The following KCTD2 variants were observed in gnomAD, a reference collection of about 807,000 sequenced individuals.
The protein encoded by KCTD2 is BTB/POZ domain-containing protein KCTD2.
In KCTD2, 18 loss-of-function variants were observed where a neutral mutation model predicts 27.9. That is an observed-to-expected ratio of 0.64 (90% CI 0.45 to 0.96). The LOEUF (loss-of-function observed/expected upper bound fraction) is 0.96. Ranked by LOEUF, KCTD2 falls within the 40% of genes least tolerant of loss-of-function variation. The probability of loss-of-function intolerance (pLI) is 0.00; values close to 1 mark genes in which losing one functional copy is unlikely to be tolerated. For missense variants in KCTD2, 280 were observed against 348.0 expected (o/e 0.80, Z 1.56); for synonymous variants, 175 against 148.4 (o/e 1.18, Z -1.30).
intron 4 of KCTD2, among the ~76,000 whole-genome samples, chr17:75,060,016 A>T (rs1295990421): frequency 6.6e-6 from 1 of 152,004 alleles, no homozygotes; most frequent in East Asian, 1.9e-4. Flanking sequence ...CACCGTGAAG[A>T]GCTTGGTGAA....
At position 75,047,297 on chromosome 17, in the gene KCTD2, G is replaced by T; in HGVS notation, c.47G>T (p.Gly16Val). ...CCGGCGATGGCGGGGCTGGGAGGGG[G>T]CGGCGGGAGTGGGGTGGGCGACGGG... ...LDPAMAGLGG[G>V]GGSGVGDGGG... Residue 16 changes from glycine to valine, a missense_variant, in exon 1 of 6, where the codon GGC (glycine) becomes GTC (valine). Coordinates refer to ENST00000322444, the MANE Select transcript of KCTD2 (RefSeq NM_015353.3). 5 of 1,160,096 alleles carry T rather than the reference G, an allele frequency of 4.3e-6. No homozygotes were observed. The highest frequency in any genetic ancestry group is 5.3e-6 in the Non-Finnish European group (5 of 935,302). 71.9% of individuals were successfully genotyped at this position (1,160,096 alleles called of 1,614,324 possible).
At chr17:75,039,044 A>T (rs759264615) in intron 3 of KCTD2, 1 of 1,614,090 alleles carries the variant, frequency 6.2e-7, no homozygotes, top group Admixed American at 1.7e-5. Flanking sequence ...AAATGGAATT[A>T]AGTTCTTCAT....
intron 3 of KCTD2, 79 bp from the exon 4 acceptor site, chr17:75,059,431 C>G: frequency 1.2e-6 from 1 of 853,500 alleles, no homozygotes; most frequent in Non-Finnish European, 1.8e-6. Flanking sequence ...AGTGTTTATT[C>G]ATTTGAAGAG....
Position 75,049,339 on chromosome 17 carries a change from T to C in KCTD2, c.448+11T>C. The stretch of plus-strand genomic sequence containing the variant: ...AGTTGGCAGAAGAAGGTAAGCGCAC[T>C]GTTTGCATTGGGGATTTTCAAAATG... On this transcript the variant is annotated intron_variant, in intron 2 of 5. Coordinates refer to ENST00000322444, the MANE Select transcript of KCTD2 (RefSeq NM_015353.3). The C allele has an allele frequency of 6.9e-7, 1 of 1,454,104 alleles. No homozygotes were observed. Among genetic ancestry groups the C allele is most frequent in the Non-Finnish European group, 9.6e-7 (1 of 1,041,658 alleles). 90.1% of individuals were successfully genotyped at this position (1,454,104 alleles called of 1,614,324 possible).
At position 75,047,725 on chromosome 17, in the gene KCTD2, C is replaced by T. The variant is rs1245598177; in HGVS notation, c.339+136C>T. 7 of 793,738 alleles carry T rather than the reference C, an allele frequency of 8.8e-6. No individual in the cohort carries two copies. The African/African-American group carries it at 1.3e-4, about 14-fold the overall frequency. 49.2% of individuals were successfully genotyped at this position (793,738 alleles called of 1,614,324 possible). A position where few individuals can be genotyped will look rare whatever the true frequency, so the allele number is the denominator to read the frequency against. ...GACCCCATCCTCCCCCTCCCTCCCA[C>T]ACTACTCGCAGGGGCCTCAGAGGGA... is the stretch of plus-strand genomic sequence containing the variant. On this transcript the variant is annotated intron_variant, in intron 1 of 5. Coordinates refer to ENST00000322444, the MANE Select transcript of KCTD2 (RefSeq NM_015353.3).
At chr17:75,042,062 A>G (rs753309178) in intron 3 of KCTD2, 2 of 858,468 alleles carry the variant, frequency 2.3e-6, no homozygotes, top group South Asian at 1.8e-5. Context: ...GGCCATACGC[A>G]TCCTTCCTAA....
rs185937899 is a variant in KCTD2, at chr17:75,036,105, G to A, written c.-259+748G>A. 11 of 449,884 alleles carry A rather than the reference G, an allele frequency of 2.4e-5. 1 individual carries two copies. In the East Asian group the frequency reaches 4.9e-4, roughly 20 times the overall value. The allele number at this position is 449,884 out of a possible 1,614,324, so 27.9% of individuals were successfully genotyped here. A position where few individuals can be genotyped will look rare whatever the true frequency, so the allele number is the denominator to read the frequency against. On this transcript the variant is annotated intron_variant, in intron 3 of 7. Transcript: ENST00000581589. ...GTCTCGCTCTGTCACCCAGGGTGGA[G>A]TGCAGTAGCGTGATCTCGGCTCACT...
upstream of KCTD2, among the ~76,000 whole-genome samples, chr17:75,043,186 A>C (rs1169820146): frequency 6.6e-6 from 1 of 152,200 alleles, no homozygotes; most frequent in Admixed American, 6.5e-5. Flanking sequence ...GCATCAGTGC[A>C]CCCTAGCCTG....
intron 3 of KCTD2, among the ~76,000 whole-genome samples, chr17:75,036,443 T>C (rs1310877499): frequency 6.6e-6 from 1 of 152,168 alleles, no homozygotes; most frequent in Non-Finnish European, 1.5e-5. Context: ...TAATGTAAAA[T>C]TAATGCATGT....
chr17:75,047,915 G>A (rs778759356), intron 1 of KCTD2, among the ~76,000 whole-genome samples: 4 of 152,024 alleles, frequency 2.6e-5, no homozygotes, highest in Non-Finnish European at 5.9e-5. Flanking sequence ...ACTGAGATCT[G>A]CATGAGTTTT....
Position 75,049,205 on chromosome 17 carries a change from G to A in KCTD2, c.340-15G>A. The A allele has an allele frequency of 6.5e-7, 1 of 1,527,070 alleles. No homozygotes were observed. The highest frequency in any genetic ancestry group is 9.1e-7 in the Non-Finnish European group (1 of 1,102,540). 94.6% of individuals were successfully genotyped at this position (1,527,070 alleles called of 1,614,324 possible). On this transcript the variant is annotated splice_polypyrimidine_tract_variant and intron_variant, in intron 1 of 5. Coordinates refer to ENST00000322444, the MANE Select transcript of KCTD2 (RefSeq NM_015353.3). Reference sequence around the variant, plus strand: ...CTCAAAGGTCCACAATGATACCCTTGTGTTTGGTTGGCAGGATGAGACAGG... The same window carrying A: ...CTCAAAGGTCCACAATGATACCCTTATGTTTGGTTGGCAGGATGAGACAGG...
Position 75,064,061 on chromosome 17 carries a change from T to A in KCTD2, c.*1014T>A, listed in dbSNP as rs1231692799. 6.5e-6 allele frequency: 1 copy of A among 152,878 alleles called. No homozygotes were observed. The highest frequency in any genetic ancestry group is 1.5e-5 in the Non-Finnish European group (1 of 68,202). 9.5% of individuals were successfully genotyped at this position (152,878 alleles called of 1,614,324 possible). ...TGCAATATTTGTGTCTCTTGGTTTC[T>A]AACCTTGGCGGACCTGCTCCCCTCT... On this transcript the variant is annotated 3_prime_UTR_variant, in exon 6 of 6. Coordinates refer to ENST00000322444, the MANE Select transcript of KCTD2 (RefSeq NM_015353.3).
chr17:75,050,407 G>A lies in KCTD2; in HGVS notation c.448+1079G>A, dbSNP rs542754894. ...CTCCCAAGTAGCTGGGATTACAGGCGTGCACCACCATGCTTGACTAATTTT... is the reference window on the plus strand; with the variant it reads ...CTCCCAAGTAGCTGGGATTACAGGCATGCACCACCATGCTTGACTAATTTT... On this transcript the variant is annotated intron_variant, in intron 2 of 5. Coordinates refer to ENST00000322444, the MANE Select transcript of KCTD2 (RefSeq NM_015353.3). Among the ~76,000 whole-genome samples the A allele has an allele frequency of 2.4e-3, 357 of 151,832 alleles. 1 individual carries two copies. The highest frequency in any genetic ancestry group is 8.3e-3 in the African/African-American group (345 of 41,400).
Position 75,060,492 on chromosome 17 carries a change from A to G in KCTD2, c.636+887A>G, listed in dbSNP as rs1008763248. 1.5e-5 allele frequency: 24 copies of G among 1,612,060 alleles called. No homozygotes were observed. The Admixed American group carries it at 2.7e-4, about 18-fold the overall frequency. On this transcript the variant is annotated intron_variant, in intron 4 of 5. Transcript: ENST00000322444. The stretch of plus-strand genomic sequence containing the variant: ...ACTTTCAGAAACCAGGGTTGGAACT[A>G]ACCAGACAACAGCGCGACAGCCAAG...
rs2073436604 is a variant in KCTD2, at chr17:75,064,459, C to T, written c.*1412C>T. Reference sequence around the variant, plus strand: ...CTTCAGAAGTGATGTCCTGTGTGCTCCACAGCTCACCTGCTTGCCAAGGTA... The same window carrying T: ...CTTCAGAAGTGATGTCCTGTGTGCTTCACAGCTCACCTGCTTGCCAAGGTA... On this transcript the variant is annotated 3_prime_UTR_variant, in exon 6 of 6. Coordinates refer to ENST00000322444, the MANE Select transcript of KCTD2 (RefSeq NM_015353.3). 6.6e-6 allele frequency: 1 copy of T among 152,254 alleles called. No individual in the cohort carries two copies. Among genetic ancestry groups the T allele is most frequent in the South Asian group, 2.1e-4 (1 of 4,832 alleles). The allele number at this position is 152,254 out of a possible 1,614,324, so 9.4% of individuals were successfully genotyped here.
chr17:75,047,444 C>A lies in KCTD2; in HGVS notation c.194C>A (p.Ala65Glu). 6.6e-7 allele frequency: 1 copy of A among 1,517,038 alleles called. No individual in the cohort carries two copies. 94.0% of individuals were successfully genotyped at this position (1,517,038 alleles called of 1,614,324 possible). A position where few individuals can be genotyped will look rare whatever the true frequency, so the allele number is the denominator to read the frequency against. The change falls in exon 1 of 6, where the codon GCA becomes GAA. Residue 65 changes from alanine (A) to glutamate (E), a missense_variant. By Grantham distance (107) the Ala-to-Glu change is moderately radical. Coordinates refer to ENST00000322444, the MANE Select transcript of KCTD2 (RefSeq NM_015353.3). ...LEPGPGPPER[A>E]GGGGAARWVR... Reference sequence around the variant, plus strand: ...CCGGGTCCCGGACCACCCGAGCGGGCAGGGGGCGGCGGCGCGGCCCGCTGG... The same window carrying A: ...CCGGGTCCCGGACCACCCGAGCGGGAAGGGGGCGGCGGCGCGGCCCGCTGG...
chr17:75,050,842 C>CT (rs1291496862), intron 2 of KCTD2, among the ~76,000 whole-genome samples: 2 of 151,756 alleles, frequency 1.3e-5, no homozygotes, highest in Non-Finnish European at 2.9e-5. Flanking sequence ...ATGGGGAGAT[C>CT]TTTTTGTTGT....
At chr17:75,033,124 T>G (rs113524007) in intron 1 of KCTD2, 10 of 150,666 alleles carry the variant, frequency 6.6e-5, no homozygotes, top group Non-Finnish European at 1.2e-4. Flanking sequence ...ATTTAATAAT[T>G]TTTTTTCTTT....
intron 3 of KCTD2, chr17:75,038,763 G>A (rs1167620502): frequency 4.9e-5 from 36 of 741,182 alleles, no homozygotes; most frequent in Non-Finnish European, 7.6e-5. Flanking sequence ...AACCTGTCGA[G>A]GCTCACCTTT....
Sources: allele counts gnomAD v4.1 joint callset (sites outside exome capture counted in the v4.1 genomes callset), GRCh38; gene constraint gnomAD v4.1.1; transcripts MANE v1.5; gene names NCBI Gene and HGNC (gene_info 2026-07-23, HGNC 2026-07-21).